The following DLC1 variants were observed in gnomAD, a reference collection of about 807,000 sequenced individuals.
The protein encoded by DLC1 is DLC1 Rho GTPase activating protein.
In DLC1, 54 loss-of-function variants were observed where a neutral mutation model predicts 140.3. That is an observed-to-expected ratio of 0.38 (90% confidence interval 0.31 to 0.48). DLC1 has a LOEUF of 0.48. DLC1 is among the 20% of genes least tolerant of loss of function. DLC1 has a pLI of 0.96. For missense variants in DLC1, 2,536 were observed against 1,907.0 expected (o/e 1.33, Z -6.14); for synonymous variants, 986 against 728.1 (o/e 1.35, Z -5.70).
chr8:13,260,196 TC>T lies in DLC1; in HGVS notation c.1348+45072del, dbSNP rs374476890. Among the ~76,000 whole-genome samples, 29 of 152,296 alleles carry T rather than the reference TC, an allele frequency of 1.9e-4. 1 individual carries two copies. The highest frequency in any genetic ancestry group is 7.0e-4 in the African/African-American group (29 of 41,564). Reference sequence around the variant, plus strand: ...TTTGATATGCCTGGAAATTGCATGATCTTGATCGTTTCTGAGCAAAAACAGT... The same window carrying T: ...TTTGATATGCCTGGAAATTGCATGATTTGATCGTTTCTGAGCAAAAACAGT... On this transcript the variant is annotated intron_variant, in intron 5 of 17. Transcript: ENST00000276297.
intron 1 of DLC1, among the ~76,000 whole-genome samples, chr8:13,584,854 G>A (rs569082821): frequency 6.6e-6 from 1 of 152,182 alleles, no homozygotes; most frequent in Admixed American, 6.5e-5. Context: ...CCCGCAATAG[G>A]TCTCAAAACC....
intron 5 of DLC1, among the ~76,000 whole-genome samples, chr8:13,125,009 C>G (rs890199120): frequency 6.6e-6 from 1 of 151,750 alleles, no homozygotes; most frequent in South Asian, 2.1e-4. Context: ...CAGAGTCTCA[C>G]TGTGTCACCC....
chr8:13,479,305 G>A (rs1800575165), intron 2 of DLC1, among the ~76,000 whole-genome samples: 1 of 152,170 alleles, frequency 6.6e-6, no homozygotes, highest in African/African-American at 2.4e-5. Context: ...TATATCTGAA[G>A]ACCAAGCTGC....
chr8:13,488,429 T>G (rs1801071055), intron 2 of DLC1, among the ~76,000 whole-genome samples: 1 of 152,196 alleles, frequency 6.6e-6, no homozygotes, highest in East Asian at 1.9e-4. Context: ...ATTAGTATAT[T>G]GAAATCTAGA....
chr8:13,351,348 G>C (rs1834653842), intron 4 of DLC1, among the ~76,000 whole-genome samples: 1 of 152,188 alleles, frequency 6.6e-6, no homozygotes, highest in African/African-American at 2.4e-5. Context: ...TTGGGATTCA[G>C]TCCGAAGTTC....
chr8:13,450,849 G>C (rs1422446272), intron 2 of DLC1, among the ~76,000 whole-genome samples: 1 of 151,654 alleles, frequency 6.6e-6, no homozygotes, highest in East Asian at 1.9e-4. Flanking sequence ...GACTATCCTG[G>C]CCAACATGGT....
At chr8:13,472,239 C>T (rs1251725385) in intron 2 of DLC1, among the ~76,000 whole-genome samples, 1 of 152,110 alleles carries the variant, frequency 6.6e-6, no homozygotes, top group Non-Finnish European at 1.5e-5. Flanking sequence ...TCTGAGTCTC[C>T]TTCCAGAAGA....
intron 5 of DLC1, among the ~76,000 whole-genome samples, chr8:13,177,423 G>T (rs578040971): frequency 2.0e-5 from 3 of 152,126 alleles, no homozygotes; most frequent in Non-Finnish European, 4.4e-5. Context: ...AGAACTAAAA[G>T]AACCCTTATG....
intron 5 of DLC1, among the ~76,000 whole-genome samples, chr8:13,188,843 ATTTTTTTTTTTTT>A (rs869162448): frequency 3.3e-5 from 1 of 30,666 alleles, no homozygotes. Context: ...ATATATATAT[ATTTTTTTTTTTTT>A]TTTTTTTTTT....
chr8:13,168,216 T>C (rs1825230802), intron 5 of DLC1, among the ~76,000 whole-genome samples: 1 of 152,196 alleles, frequency 6.6e-6, no homozygotes. Context: ...ACAGCACAAA[T>C]AGCCTTTAGA....
At chr8:13,201,023 G>A (rs1827351981) in intron 5 of DLC1, among the ~76,000 whole-genome samples, 1 of 152,108 alleles carries the variant, frequency 6.6e-6, no homozygotes, top group South Asian at 2.1e-4. Context: ...GAGTACAGTG[G>A]GTTTCATGTG....
chr8:13,395,769 G>A (rs537455881), intron 3 of DLC1, among the ~76,000 whole-genome samples: 29 of 131,692 alleles, frequency 2.2e-4, no homozygotes, highest in African/African-American at 6.1e-4. Context: ...GTGCGTGTGC[G>A]TGTGTGTAGA....
At chr8:13,279,742 T>G (rs2117418787) in intron 5 of DLC1, among the ~76,000 whole-genome samples, 1 of 152,324 alleles carries the variant, frequency 6.6e-6, no homozygotes, top group African/African-American at 2.4e-5. Context: ...TAAATTATTC[T>G]TACATTTTGC....
intron 4 of DLC1, among the ~76,000 whole-genome samples, chr8:13,356,588 C>T (rs1417131389): frequency 6.6e-6 from 1 of 152,142 alleles, no homozygotes; most frequent in South Asian, 2.1e-4. Flanking sequence ...CAAATGATTG[C>T]ATAATACTTC....
chr8:13,515,734 C>G (rs1341545156), upstream of DLC1: 1 of 152,094 alleles, frequency 6.6e-6, no homozygotes, highest in Admixed American at 6.6e-5. Context: ...ATTTGGACTA[C>G]CATTTGGTTT....
intron 2 of DLC1, among the ~76,000 whole-genome samples, chr8:13,451,467 C>T (rs1799054478): frequency 6.6e-6 from 1 of 152,086 alleles, no homozygotes. Flanking sequence ...AGGTCTTATT[C>T]ATTCTATTTT....
Position 13,499,951 on chromosome 8 carries a change from G to A in DLC1, c.121C>T (p.Gln41Ter). Residue 41 changes from glutamine (Q) to a stop codon, truncating the protein, a stop_gained, in exon 2 of 18, where the codon CAG (glutamine) becomes TAG (stop). Coordinates refer to ENST00000276297, the MANE Select transcript of DLC1 (RefSeq NM_182643.3). LOFTEE classifies it high-confidence loss of function. ...GTTGCATCTTTTTCCATACTTGCCT[G>A]CAAGCTGTCAGCTACTAGTCCATGA... ...CHHGLVADSL[Q>*]ASMEKDATLN... 2 of 1,614,050 alleles carry A rather than the reference G, an allele frequency of 1.2e-6. No homozygotes were observed. Among genetic ancestry groups the A allele is most frequent in the Non-Finnish European group, 1.7e-6 (2 of 1,180,006 alleles).
chr8:13,308,392 T>C (rs1247301691), intron 4 of DLC1, among the ~76,000 whole-genome samples: 1 of 152,200 alleles, frequency 6.6e-6, no homozygotes, highest in Non-Finnish European at 1.5e-5. Flanking sequence ...TTTTTAAGAG[T>C]AAAACCACAT....
chr8:13,304,360 G>A (rs979709795), intron 5 of DLC1, among the ~76,000 whole-genome samples: 7 of 152,050 alleles, frequency 4.6e-5, no homozygotes, highest in Admixed American at 1.3e-4. Context: ...GTGAAGAAAC[G>A]AGATACAGCC....
Sources: gnomAD v4.1 joint callset for allele counts (sites outside exome capture counted in the v4.1 genomes callset) on GRCh38, gnomAD v4.1.1 for gene constraint, MANE v1.5 for transcripts, NCBI Gene and HGNC (gene_info 2026-07-23, HGNC 2026-07-21) for gene names.